The following DTNB variants were observed in gnomAD, a reference collection of about 807,000 sequenced individuals.
DTNB encodes dystrobrevin beta.
In DTNB, 63 loss-of-function variants were observed where a neutral mutation model predicts 90.7. That is an observed-to-expected ratio of 0.69 (90% CI 0.57 to 0.86). The LOEUF is 0.86. Among genes scored for constraint, DTNB ranks in the 40% least tolerant of loss-of-function variants. DTNB has a pLI of 0.00. For synonymous variants in DTNB, 277 were observed against 286.7 expected, an observed-to-expected ratio of 0.97 and a Z score of 0.34; for missense variants, 744 against 807.1, an observed-to-expected ratio of 0.92 and a Z score of 0.95.
chr2:25,388,332 C>A lies in DTNB; in HGVS notation c.1605G>T (p.Ser535=). 1.2e-6 allele frequency: 2 copies of A among 1,612,352 alleles called. No individual in the cohort carries two copies. Among genetic ancestry groups the A allele is most frequent in the Non-Finnish European group, 1.7e-6 (2 of 1,178,898 alleles). Residue 535 remains serine, a synonymous_variant, in exon 17 of 21, where the codon TCG becomes TCT. Transcript: ENST00000406818. The part of the protein sequence containing the change: ...AAQATGSPHT[S]PTHGGGRPMP... ...TTGGCCGGCCGCCTCCATGGGTGGGCGATGTATGTGGTGACCCTGTGGCCT... is the reference window on the plus strand; with the variant it reads ...TTGGCCGGCCGCCTCCATGGGTGGGAGATGTATGTGGTGACCCTGTGGCCT...
At chr2:25,444,107 T>C (rs1310480137) in intron 12 of DTNB, among the ~76,000 whole-genome samples, 1 of 152,180 alleles carries the variant, frequency 6.6e-6, no homozygotes, top group East Asian at 1.9e-4. Flanking sequence ...TAAATTTTTT[T>C]ATAAGGGAAA....
At chr2:25,420,563 T>C (rs1239847830) in intron 15 of DTNB, among the ~76,000 whole-genome samples, 1 of 152,064 alleles carries the variant, frequency 6.6e-6, no homozygotes, top group South Asian at 2.1e-4. Context: ...TTGCCCAGGA[T>C]GGAGTGCAAT....
chr2:25,501,121 T>C (rs1202731801), intron 9 of DTNB, among the ~76,000 whole-genome samples: 1 of 152,110 alleles, frequency 6.6e-6, no homozygotes, highest in Non-Finnish European at 1.5e-5. Context: ...ACCATAGTTA[T>C]TGAGACAAAA....
intron 8 of DTNB, among the ~76,000 whole-genome samples, chr2:25,551,793 T>C (rs919633328): frequency 6.6e-6 from 1 of 152,196 alleles, no homozygotes; most frequent in Non-Finnish European, 1.5e-5. Context: ...CTCTCTGCAT[T>C]TTCTTTAGCC....
At chr2:25,668,260 G>A (rs2084982269) in intron 1 of DTNB, among the ~76,000 whole-genome samples, 1 of 152,086 alleles carries the variant, frequency 6.6e-6, no homozygotes, top group South Asian at 2.1e-4. Flanking sequence ...ATAAAAAAAA[G>A]AAATGAGCTA....
intron 2 of DTNB, among the ~76,000 whole-genome samples, chr2:25,646,745 A>G (rs2079544828): frequency 6.6e-6 from 1 of 152,154 alleles, no homozygotes; most frequent in Non-Finnish European, 1.5e-5. Flanking sequence ...AATGTATGTG[A>G]TTTTAGTCTC....
chr2:25,636,563 T>C (rs906834591), intron 3 of DTNB, among the ~76,000 whole-genome samples: 14 of 152,242 alleles, frequency 9.2e-5, no homozygotes, highest in African/African-American at 1.9e-4. Flanking sequence ...CACAGAAATA[T>C]ATTTAAATCA....
rs1229580190 is a variant in DTNB at position 25,669,505 on chromosome 2, G to C, written c.-2+3881C>G. Among the ~76,000 whole-genome samples, 15 of 152,030 alleles carry C rather than the reference G, an allele frequency of 9.9e-5. No individual in the cohort carries two copies. In the East Asian group the frequency reaches 2.9e-3, roughly 29 times the overall value. Reference sequence around the variant, plus strand: ...CCCAAAAAAAGACAAGCCATTTAAGGGAAATTTTTCATAAATATGACATTA... The same window carrying C: ...CCCAAAAAAAGACAAGCCATTTAAGCGAAATTTTTCATAAATATGACATTA... On this transcript the variant is annotated intron_variant, in intron 1 of 20. Coordinates refer to ENST00000406818, the MANE Select transcript of DTNB (RefSeq NM_021907.5).
intron 1 of DTNB, among the ~76,000 whole-genome samples, chr2:25,662,427 TA>T (rs1361356857): frequency 6.6e-6 from 1 of 152,174 alleles, no homozygotes; most frequent in African/African-American, 2.4e-5. Context: ...AGAGAATACA[TA>T]AAAAATAATA....
chr2:25,437,260 A>G (rs1197256091), intron 12 of DTNB, among the ~76,000 whole-genome samples: 2 of 151,432 alleles, frequency 1.3e-5, no homozygotes, highest in Admixed American at 6.6e-5. Flanking sequence ...ACTTTTATCT[A>G]TGTACTTTTT....
chr2:25,524,144 G>A (rs1010665031), intron 9 of DTNB, among the ~76,000 whole-genome samples: 1 of 151,698 alleles, frequency 6.6e-6, no homozygotes, highest in Non-Finnish European at 1.5e-5. Context: ...CAGGTGATCC[G>A]CCTGCCTCAG....
At chr2:25,618,642 C>T (rs569508479) in intron 4 of DTNB, among the ~76,000 whole-genome samples, 4 of 152,168 alleles carry the variant, frequency 2.6e-5, no homozygotes, top group African/African-American at 2.4e-5. Context: ...ACAGTGAATA[C>T]GAACCCCTCT....
rs3041256 is a variant in DTNB, at chr2:25,427,180, AACACACACAC to A, written c.1554+345_1554+354del. 3.0e-3 allele frequency among the ~76,000 whole-genome samples: 423 copies of A among 139,654 alleles called. 1 individual carries two copies. Among genetic ancestry groups the A allele is most frequent in the African/African-American group, 0.01 (368 of 36,706 alleles). The allele number at this position is 139,654 out of a possible 152,430, so 91.6% of individuals were successfully genotyped here. On this transcript the variant is annotated intron_variant, in intron 15 of 20. Coordinates refer to ENST00000406818, the MANE Select transcript of DTNB (RefSeq NM_021907.5). ...GTGACACAGCGAGACTCCATCTCAA[AACACACACAC>A]ACACACACACACACACACACACACA...
intron 16 of DTNB, among the ~76,000 whole-genome samples, chr2:25,408,080 T>C (rs1191377658): frequency 6.6e-6 from 1 of 151,736 alleles, no homozygotes; most frequent in African/African-American, 2.4e-5. Context: ...CTGAGGTGGG[T>C]GGATCACCTG....
chr2:25,472,875 A>G (rs1211224599), intron 10 of DTNB, among the ~76,000 whole-genome samples: 1 of 152,214 alleles, frequency 6.6e-6, no homozygotes, highest in Non-Finnish European at 1.5e-5. Flanking sequence ...GACAAGAGTG[A>G]AACTCCATCC....
chr2:25,621,777 GT>G, intron 4 of DTNB, among the ~76,000 whole-genome samples: 1 of 151,628 alleles, frequency 6.6e-6, no homozygotes, highest in Middle Eastern at 3.4e-3. Context: ...TTTTTAAATG[GT>G]TGTTAGCCAC....
intron 12 of DTNB, among the ~76,000 whole-genome samples, chr2:25,435,971 T>A (rs1191609407): frequency 1.3e-5 from 2 of 152,244 alleles, no homozygotes; most frequent in African/African-American, 2.4e-5. Flanking sequence ...CATTTGTATA[T>A]GTTTTGTGGA....
At position 25,651,809 on chromosome 2, in the gene DTNB, T is replaced by A. The variant is rs768722611; in HGVS notation, c.67+785A>T. Among the ~76,000 whole-genome samples, 199 of 152,194 alleles carry A rather than the reference T, an allele frequency of 1.3e-3. 3 individuals are homozygous for A. Among genetic ancestry groups the A allele is most frequent in the Non-Finnish European group, 2.5e-3 (169 of 68,020 alleles). ...CTATCCCAGGCTGGCTCCCCTCTCCTGCTTCAACCAAGCACTACCAATCTT... is the reference window on the plus strand; with the variant it reads ...CTATCCCAGGCTGGCTCCCCTCTCCAGCTTCAACCAAGCACTACCAATCTT... On this transcript the variant is annotated intron_variant, in intron 2 of 20. Coordinates refer to ENST00000406818, the MANE Select transcript of DTNB (RefSeq NM_021907.5).
At position 25,427,416 on chromosome 2, in the gene DTNB, G is replaced by A. The variant is rs1276551295; in HGVS notation, c.1554+119C>T. 3.3e-6 allele frequency: 3 copies of A among 914,948 alleles called. No individual in the cohort carries two copies. The African/African-American group carries it at 5.1e-5, about 16-fold the overall frequency. 56.7% of individuals were successfully genotyped at this position (914,948 alleles called of 1,614,324 possible). A position where few individuals can be genotyped will look rare whatever the true frequency, so the allele number is the denominator to read the frequency against. On this transcript the variant is annotated intron_variant, in intron 15 of 20. Coordinates refer to ENST00000406818, the MANE Select transcript of DTNB (RefSeq NM_021907.5). ...ATTAGGCTAAATTTATCTGAAAACT[G>A]ATTCTAGGCTAAAGTCAAGCCTTTG...
Sources: allele counts gnomAD v4.1 joint callset (sites outside exome capture counted in the v4.1 genomes callset), GRCh38; gene constraint gnomAD v4.1.1; transcripts MANE v1.5; gene names NCBI Gene and HGNC (gene_info 2026-07-23, HGNC 2026-07-21).